ADGRG5: variants seen among roughly 807,000 people sequenced by gnomAD.
ADGRG5 encodes the protein G protein-coupled receptor 114.
In ADGRG5, 37 loss-of-function variants were observed where a neutral mutation model predicts 53.2. That is an observed-to-expected ratio of 0.70 (90% CI 0.53 to 0.91). ADGRG5 has a LOEUF of 0.91. Among genes scored for constraint, ADGRG5 ranks in the 40% least tolerant of loss-of-function variants. The pLI is 0.00. For synonymous variants in ADGRG5, 277 were observed against 290.4 expected (o/e 0.95, Z 0.47); for missense variants, 614 against 675.8 (o/e 0.91, Z 1.01).
chr16:57,539,365 G>T (rs2032455911), upstream of ADGRG5, among the ~76,000 whole-genome samples: 1 of 151,736 alleles, frequency 6.6e-6, no homozygotes, highest in African/African-American at 2.4e-5. Flanking sequence ...TGGAGTTTCA[G>T]TTTGAGAATA....
At position 57,566,761 on chromosome 16, in the gene ADGRG5, C is replaced by A; in HGVS notation, c.699+10C>A. On this transcript the variant is annotated intron_variant, in intron 7 of 11. Coordinates refer to ENST00000349457, the MANE Select transcript of ADGRG5 (RefSeq NM_001304376.3). ...CTTTGCTGTTCTCATGGTATGTATGCATCCTGAGTGGGGCTCAGAGCTACA... is the reference window on the plus strand; with the variant it reads ...CTTTGCTGTTCTCATGGTATGTATGAATCCTGAGTGGGGCTCAGAGCTACA... The A allele has an allele frequency of 6.8e-7, 1 of 1,466,042 alleles. No homozygotes were observed. Among genetic ancestry groups the A allele is most frequent in the Admixed American group, 2.4e-5 (1 of 42,122 alleles). 90.8% of individuals were successfully genotyped at this position (1,466,042 alleles called of 1,614,324 possible).
chr16:57,555,339 TAGTG>T (rs1242111399), intron 1 of ADGRG5, among the ~76,000 whole-genome samples: 1 of 152,172 alleles, frequency 6.6e-6, no homozygotes, highest in African/African-American at 2.4e-5. Context: ...GCTCTCGTGA[TAGTG>T]AGTGAGTTCT....
At chr16:57,568,398 TATCACCTCCTCCACCTTCATTATCACC>T (rs1168791843) in intron 9 of ADGRG5, among the ~76,000 whole-genome samples, 1 of 80,122 alleles carries the variant, frequency 1.2e-5, no homozygotes, top group Non-Finnish European at 2.6e-5. Flanking sequence ...CCACCACCAT[TATCACCTCCTCCACCTTCATTATCACC>T]ATCACCTCCT....
At chr16:57,538,455 T>C (rs1177445651), upstream of ADGRG5, among the ~76,000 whole-genome samples, 1 of 151,980 alleles carries the variant, frequency 6.6e-6, no homozygotes, top group African/African-American at 2.4e-5. Context: ...AGATAAAAAG[T>C]TTAGACAGGT....
At chr16:57,555,250 G>T (rs527811129) in intron 1 of ADGRG5, among the ~76,000 whole-genome samples, 2 of 152,174 alleles carry the variant, frequency 1.3e-5, no homozygotes, top group Non-Finnish European at 2.9e-5. Context: ...ATCTTGAATT[G>T]TAGTTCCCAT....
chr16:57,571,489 G>A (rs1466844669), intron 10 of ADGRG5, among the ~76,000 whole-genome samples: 7 of 152,086 alleles, frequency 4.6e-5, no homozygotes, highest in African/African-American at 1.7e-4. Context: ...TCACATTGAG[G>A]CTCGGGTGTA....
chr16:57,569,836 A>ACATCTATCATCAC (rs1166571705), intron 9 of ADGRG5, among the ~76,000 whole-genome samples: 15 of 148,888 alleles, frequency 1.0e-4, no homozygotes, highest in African/African-American at 3.7e-4. Flanking sequence ...TACCTCCTCC[A>ACATCTATCATCAC]CGTCTATCAT....
chr16:57,571,660 T>C (rs941270170), intron 10 of ADGRG5, among the ~76,000 whole-genome samples: 3 of 149,636 alleles, frequency 2.0e-5, no homozygotes, highest in Admixed American at 1.3e-4. Context: ...TTTTTTCTTT[T>C]TTTTTTTTTT....
At chr16:57,543,484 CTT>C (rs1431962655) in intron 1 of ADGRG5, among the ~76,000 whole-genome samples, 4 of 151,988 alleles carry the variant, frequency 2.6e-5, no homozygotes, top group Non-Finnish European at 5.9e-5. Flanking sequence ...GATTTCGCCA[CTT>C]TGGTCAGGCT....
chr16:57,548,540 C>T (rs752944265), intron 1 of ADGRG5, among the ~76,000 whole-genome samples: 7 of 152,220 alleles, frequency 4.6e-5, no homozygotes, highest in African/African-American at 1.4e-4. Context: ...AACAACACCA[C>T]GATCAAGACA....
chr16:57,574,157 G>T lies in ADGRG5; in HGVS notation c.1209-658G>T, dbSNP rs2033442606. On this transcript the variant is annotated intron_variant, in intron 10 of 11. Coordinates refer to ENST00000349457, the MANE Select transcript of ADGRG5 (RefSeq NM_001304376.3). The surrounding 1 kb of genome is among the most constrained non-coding windows in gnomAD (Gnocchi z 4.4). ...TGTCTTGGGGAGGCAAAGGGCAGAG[G>T]CCTCCGGGAGGGCGTGGGACCGGGG... is the stretch of plus-strand genomic sequence containing the variant. Among the ~76,000 whole-genome samples, 1 of 152,258 alleles carries T rather than the reference G, an allele frequency of 6.6e-6. No homozygotes were observed. Among genetic ancestry groups the T allele is most frequent in the South Asian group, 2.1e-4 (1 of 4,836 alleles).
Position 57,563,836 on chromosome 16 carries a change from G to C in ADGRG5, c.298-12G>C. On this transcript the variant is annotated splice_polypyrimidine_tract_variant and intron_variant, in intron 4 of 11. Transcript: ENST00000349457. Reference sequence around the variant, plus strand: ...CCTGGTTGCCAAACAGCCTGTTTGCGACCCTCTGCAGGCAGGAGGTCAGCA... The same window carrying C: ...CCTGGTTGCCAAACAGCCTGTTTGCCACCCTCTGCAGGCAGGAGGTCAGCA... The C allele has an allele frequency of 6.2e-7, 1 of 1,613,154 alleles. No homozygotes were observed. Among genetic ancestry groups the C allele is most frequent in the Non-Finnish European group, 8.5e-7 (1 of 1,179,896 alleles).
chr16:57,575,024 CCTT>C lies in ADGRG5; in HGVS notation c.1422_1424del (p.Phe475del), dbSNP rs749172642. ...CTGCTGGGAACCACCTGGGCCTTGG[CCTT>C]CTTTTCTTTTGGCGTCTTCCTGCTG... On this transcript the variant is annotated inframe_deletion, in exon 11 of 12. Transcript: ENST00000349457. 2 of 1,613,908 alleles carry C rather than the reference CCTT, an allele frequency of 1.2e-6. No individual in the cohort carries two copies. The highest frequency in any genetic ancestry group is 2.7e-5 in the African/African-American group (2 of 74,924).
upstream of ADGRG5, among the ~76,000 whole-genome samples, chr16:57,538,779 C>G (rs755491341): frequency 6.6e-6 from 1 of 152,194 alleles, no homozygotes; most frequent in Admixed American, 6.5e-5. Flanking sequence ...TCCTGTATTA[C>G]TGCCACCACT....
chr16:57,537,178 C>A, the ADGRG5 span, among the ~76,000 whole-genome samples: 80,669 of 151,932 alleles, frequency 0.53, 23,051 homozygotes, highest in African/African-American at 0.74. Flanking sequence ...AATTACGGTA[C>A]TTCGCCTTCG....
intron 10 of ADGRG5, among the ~76,000 whole-genome samples, chr16:57,572,111 CTT>C (rs34875077): frequency 4.2e-5 from 6 of 144,496 alleles, no homozygotes; most frequent in Admixed American, 6.9e-5. Context: ...GGGTTTGTGA[CTT>C]TTTTTTTTTT....
At chr16:57,561,342 G>A (rs2032995674) in intron 1 of ADGRG5, among the ~76,000 whole-genome samples, 1 of 152,134 alleles carries the variant, frequency 6.6e-6, no homozygotes, top group Admixed American at 6.5e-5. Context: ...CTTTGTGCCT[G>A]TTTTCTAAGG....
At chr16:57,567,336 G>A in intron 7 of ADGRG5, 134 bp from the exon 8 acceptor site, 1 of 963,362 alleles carries the variant, frequency 1.0e-6, no homozygotes, top group Non-Finnish European at 1.5e-6. Flanking sequence ...CCATGGCCTT[G>A]TTCAAGCCAG....
intron 1 of ADGRG5, among the ~76,000 whole-genome samples, chr16:57,545,627 A>G (rs1368617939): frequency 1.3e-5 from 2 of 152,230 alleles, no homozygotes; most frequent in African/African-American, 4.8e-5. Context: ...TCACTTGAAA[A>G]TACGTCTTGG....
Sources: allele counts gnomAD v4.1 joint callset (sites outside exome capture counted in the v4.1 genomes callset), GRCh38; gene constraint gnomAD v4.1.1; non-coding constraint Gnocchi (gnomAD v3.1); transcripts MANE v1.5; gene names NCBI Gene and HGNC (gene_info 2026-07-23, HGNC 2026-07-21).